CBLB: variants seen among roughly 807,000 people sequenced by gnomAD.
CBLB encodes the protein E3 ubiquitin-protein ligase CBL-B.
Under a neutral mutation model 104.9 loss-of-function variants are expected in CBLB, and 31 were observed. That is an observed-to-expected ratio of 0.30 (90% CI 0.22 to 0.40). The LOEUF (loss-of-function observed/expected upper bound fraction) is 0.40, where lower values mean the gene tolerates loss of function less well. Among genes scored for constraint, CBLB ranks in the 10% least tolerant of loss-of-function variants. The pLI is 1.00. For missense variants in CBLB, 1,062 were observed against 1,214.6 expected (o/e 0.87, Z 1.87); for synonymous variants, 440 against 422.6 (o/e 1.04, Z -0.51).
chr3:105,831,346 A>G (rs79374549), intron 3 of CBLB, among the ~76,000 whole-genome samples: 11,474 of 152,282 alleles, frequency 0.075, 613 homozygotes, highest in Admixed American at 0.15. Context: ...GAATAGCTCA[A>G]ATACATTTCC....
chr3:105,729,786 C>T (rs2074106809), intron 9 of CBLB, among the ~76,000 whole-genome samples: 1 of 152,058 alleles, frequency 6.6e-6, no homozygotes, highest in Non-Finnish European at 1.5e-5. Context: ...TGTTTTACAA[C>T]TGTGCTTTAA....
At chr3:105,699,133 T>C (rs1472163974) in intron 12 of CBLB, among the ~76,000 whole-genome samples, 3 of 152,160 alleles carry the variant, frequency 2.0e-5, no homozygotes, top group Admixed American at 6.5e-5. Context: ...AACTTGGTTA[T>C]TGAATGCTTA....
intron 3 of CBLB, among the ~76,000 whole-genome samples, chr3:105,800,162 G>A (rs1257238249): frequency 6.6e-6 from 1 of 152,132 alleles, no homozygotes; most frequent in East Asian, 1.9e-4. Flanking sequence ...AGAAGCGGTG[G>A]TCAGTGGTTT....
intron 3 of CBLB, among the ~76,000 whole-genome samples, chr3:105,807,986 C>T (rs1295620398): frequency 1.3e-5 from 2 of 152,174 alleles, no homozygotes; most frequent in East Asian, 3.8e-4. Flanking sequence ...TATGTAACCA[C>T]TCTATGTTAT....
intron 14 of CBLB, 35 bp downstream of exon 14, chr3:105,685,285 A>G: frequency 1.3e-6 from 2 of 1,563,720 alleles, no homozygotes; most frequent in Non-Finnish European, 1.8e-6. Context: ...ATGCTTATGC[A>G]GATGTAAGTG....
intron 18 of CBLB, among the ~76,000 whole-genome samples, chr3:105,665,040 T>C (rs1236990072): frequency 6.6e-6 from 1 of 152,198 alleles, no homozygotes; most frequent in Non-Finnish European, 1.5e-5. Context: ...GCTTACACTT[T>C]CTGCAGCAGC....
intron 3 of CBLB, among the ~76,000 whole-genome samples, chr3:105,807,715 T>C (rs181087152): frequency 1.2e-4 from 18 of 152,242 alleles, no homozygotes; most frequent in Admixed American, 1.2e-3. Flanking sequence ...AAAACTGAGA[T>C]CCTTCTCAAG....
At chr3:105,791,278 T>C (rs1337949149) in intron 3 of CBLB, among the ~76,000 whole-genome samples, 1 of 152,046 alleles carries the variant, frequency 6.6e-6, no homozygotes, top group African/African-American at 2.4e-5. Context: ...TTTGGCGGAG[T>C]CTCAGCCCCT....
intron 5 of CBLB, among the ~76,000 whole-genome samples, 175 bp from the exon 6 acceptor site, chr3:105,746,213 GTTCTTTACAGAAATATGAT>G (rs2076084871): frequency 6.6e-6 from 1 of 152,120 alleles, no homozygotes. Context: ...CAAGTCTATT[GTTCTTTACAGAAATATGAT>G]TAGGCAGAAA....
chr3:105,741,523 G>A (rs1424801810), intron 6 of CBLB, among the ~76,000 whole-genome samples: 2 of 152,150 alleles, frequency 1.3e-5, no homozygotes, highest in African/African-American at 2.4e-5. Flanking sequence ...AGCCTCCCGA[G>A]TAGCTGGGAC....
intron 10 of CBLB, among the ~76,000 whole-genome samples, chr3:105,715,080 T>C (rs1033130510): frequency 1.3e-5 from 2 of 152,246 alleles, no homozygotes; most frequent in Non-Finnish European, 2.9e-5. Flanking sequence ...ACTAATACTG[T>C]GAAAAACTGT....
At chr3:105,749,164 A>G (rs969611818) in intron 5 of CBLB, among the ~76,000 whole-genome samples, 3 of 152,192 alleles carry the variant, frequency 2.0e-5, no homozygotes, top group African/African-American at 7.2e-5. Context: ...ATTTTATCAT[A>G]TTTTAAGGCA....
chr3:105,701,867 T>C (rs770710932), intron 12 of CBLB, among the ~76,000 whole-genome samples: 1 of 152,046 alleles, frequency 6.6e-6, no homozygotes, highest in Non-Finnish European at 1.5e-5. Context: ...CTCTGGCAAA[T>C]TGTCTAGTGT....
intron 8 of CBLB, among the ~76,000 whole-genome samples, chr3:105,736,157 G>T (rs1044151532): frequency 1.3e-5 from 2 of 151,982 alleles, no homozygotes; most frequent in East Asian, 3.8e-4. Context: ...TACACAAGGC[G>T]TGAACATATC....
In CBLB at chr3:105,743,291, C is replaced by A. The variant is rs62261486; in HGVS notation, c.845+2626G>T. ...TGGCCAACATGGCGAAAACCCGTCT[C>A]CACTAAAAATACAAAAAAATTGGCA... On this transcript the variant is annotated intron_variant, in intron 6 of 18. Coordinates refer to ENST00000394030, the MANE Select transcript of CBLB (RefSeq NM_170662.5). Among the ~76,000 whole-genome samples the A allele has an allele frequency of 1.6e-3, 237 of 151,744 alleles. 1 individual carries two copies. Among genetic ancestry groups the A allele is most frequent in the Admixed American group, 4.5e-3 (68 of 15,230 alleles).
At chr3:105,805,087 T>G (rs1004617845) in intron 3 of CBLB, among the ~76,000 whole-genome samples, 1 of 152,106 alleles carries the variant, frequency 6.6e-6, no homozygotes, top group Admixed American at 6.5e-5. Context: ...CTGCTTCCAA[T>G]CTATCACCTT....
At chr3:105,747,139 A>G (rs902751287) in intron 5 of CBLB, among the ~76,000 whole-genome samples, 2 of 152,216 alleles carry the variant, frequency 1.3e-5, no homozygotes, top group African/African-American at 2.4e-5. Context: ...GTGATAGACA[A>G]CTTTACTCAA....
intron 5 of CBLB, among the ~76,000 whole-genome samples, chr3:105,749,201 G>T (rs537561158): frequency 6.6e-6 from 1 of 152,218 alleles, no homozygotes; most frequent in East Asian, 1.9e-4. Context: ...CAAAGCATTT[G>T]ATTACAGCAT....
At position 105,693,508 on chromosome 3, in the gene CBLB, G is replaced by A. The variant is rs773987602; in HGVS notation, c.2040C>T (p.Leu680=). Residue 680 remains leucine, a synonymous_variant, in exon 13 of 19, where the codon CTC becomes CTT. Transcript: ENST00000394030. ...RLSPPPPVTT[L]LPSIKCTGPL... ...ACAAAACTCACTTTATGCTAGGGAGGAGGGTGGTAACTGGAGGAGGAGGAG... is the reference window on the plus strand; with the variant it reads ...ACAAAACTCACTTTATGCTAGGGAGAAGGGTGGTAACTGGAGGAGGAGGAG... 1 of 1,608,122 alleles carries A rather than the reference G, an allele frequency of 6.2e-7. No individual in the cohort carries two copies. Among genetic ancestry groups the A allele is most frequent in the Non-Finnish European group, 8.5e-7 (1 of 1,174,924 alleles).
Sources: allele counts gnomAD v4.1 joint callset (sites outside exome capture counted in the v4.1 genomes callset), GRCh38; gene constraint gnomAD v4.1.1; transcripts MANE v1.5; gene names NCBI Gene and HGNC (gene_info 2026-07-23, HGNC 2026-07-21).